The following ERP44 variants were observed in gnomAD, a reference collection of about 807,000 sequenced individuals.
ERP44 encodes endoplasmic reticulum resident protein 44.
In ERP44, 25 loss-of-function variants were observed where a neutral mutation model predicts 53.4. The ratio of observed to expected loss-of-function variants is 0.47; its 90% CI spans 0.34 to 0.65. ERP44 has a LOEUF of 0.65. ERP44 is among the 30% of genes least tolerant of loss of function. ERP44 has a pLI of 0.01. For synonymous variants in ERP44, 145 were observed against 161.2 expected (o/e 0.90, Z 0.76); for missense variants, 338 against 493.2 (o/e 0.69, Z 2.98).
intron 10 of ERP44, among the ~76,000 whole-genome samples, chr9:100,000,309 A>G (rs964321315): frequency 1.3e-4 from 19 of 151,976 alleles, no homozygotes; most frequent in African/African-American, 4.4e-4. Context: ...ATGGTGGCAC[A>G]TGCCTGTAGT....
At chr9:100,044,038 TAAG>T (rs1200340984) in intron 4 of ERP44, among the ~76,000 whole-genome samples, 1 of 152,224 alleles carries the variant, frequency 6.6e-6, no homozygotes, top group African/African-American at 2.4e-5. Flanking sequence ...ATATAACTGA[TAAG>T]AAAGCTTTGT....
chr9:99,986,907 A>G (rs1305479731), intron 10 of ERP44, among the ~76,000 whole-genome samples: 1 of 152,244 alleles, frequency 6.6e-6, no homozygotes, highest in African/African-American at 2.4e-5. Flanking sequence ...AAGTGCTAAA[A>G]TATATCCATT....
At chr9:100,008,616 A>C (rs1016690890) in intron 8 of ERP44, among the ~76,000 whole-genome samples, 1 of 152,182 alleles carries the variant, frequency 6.6e-6, no homozygotes, top group Non-Finnish European at 1.5e-5. Flanking sequence ...TAAAAAACAA[A>C]CTGGGACCTA....
chr9:99,986,618 C>T (rs573434440), intron 10 of ERP44, among the ~76,000 whole-genome samples: 4 of 152,166 alleles, frequency 2.6e-5, no homozygotes, highest in East Asian at 3.9e-4. Context: ...CTTGAGGTCC[C>T]GGAAGTGCTG....
At chr9:100,098,471 C>T (rs908069615) in intron 1 of ERP44, among the ~76,000 whole-genome samples, 5 of 152,236 alleles carry the variant, frequency 3.3e-5, no homozygotes, top group African/African-American at 1.2e-4. Context: ...CCGATTCAAG[C>T]TACCACCAGG....
chr9:100,092,829 C>T (rs1299467273), intron 1 of ERP44, among the ~76,000 whole-genome samples: 1 of 152,092 alleles, frequency 6.6e-6, no homozygotes, highest in African/African-American at 2.4e-5. Context: ...TAAATTGGCA[C>T]AGATTACAAA....
intron 4 of ERP44, among the ~76,000 whole-genome samples, chr9:100,032,253 C>G (rs1825800267): frequency 6.6e-6 from 1 of 152,086 alleles, no homozygotes. Flanking sequence ...AGGGCTCCAC[C>G]CTGAAGCCAG....
At chr9:100,093,344 G>A (rs1261705628) in intron 1 of ERP44, among the ~76,000 whole-genome samples, 1 of 152,140 alleles carries the variant, frequency 6.6e-6, no homozygotes, top group Non-Finnish European at 1.5e-5. Context: ...GGATATAAAG[G>A]GTTAAGAACT....
intron 3 of ERP44, among the ~76,000 whole-genome samples, chr9:100,052,949 A>C (rs943019128): frequency 6.6e-6 from 1 of 152,050 alleles, no homozygotes; most frequent in African/African-American, 2.4e-5. Flanking sequence ...ACAGGGTCTC[A>C]TTCTGTTGCC....
intron 10 of ERP44, among the ~76,000 whole-genome samples, chr9:100,000,289 T>A (rs922164695): frequency 5.3e-5 from 8 of 151,428 alleles, no homozygotes; most frequent in African/African-American, 1.5e-4. Context: ...AAAAAAAAAA[T>A]TAGGTGGGCA....
At chr9:99,999,306 TG>T (rs1259991583) in intron 10 of ERP44, among the ~76,000 whole-genome samples, 5 of 152,078 alleles carry the variant, frequency 3.3e-5, no homozygotes, top group Admixed American at 1.3e-4. Context: ...TGAGATTATT[TG>T]TTTTTTTCTT....
At position 100,098,961 on chromosome 9, in the gene ERP44, G is replaced by C; in HGVS notation, c.-121C>G. 1 of 754,154 alleles carries C rather than the reference G, an allele frequency of 1.3e-6. No homozygotes were observed. The highest frequency in any genetic ancestry group is 1.6e-5 in the South Asian group (1 of 62,494). 46.7% of individuals were successfully genotyped at this position (754,154 alleles called of 1,614,324 possible). ...GGCAGCGGAGGATTCTCCAGGCAGC[G>C]GCACCTCGTCCTCTCGACCCGGGCT... is the stretch of plus-strand genomic sequence containing the variant. On this transcript the variant is annotated 5_prime_UTR_variant, in exon 1 of 12. Coordinates refer to ENST00000262455, the MANE Select transcript of ERP44 (RefSeq NM_015051.3).
intron 4 of ERP44, among the ~76,000 whole-genome samples, chr9:100,034,919 C>G (rs1825832674): frequency 6.6e-6 from 1 of 152,030 alleles, no homozygotes; most frequent in Non-Finnish European, 1.5e-5. Flanking sequence ...GAAATAAAGC[C>G]ACACACTTAC....
chr9:100,039,714 C>T (rs1825882508), intron 4 of ERP44, among the ~76,000 whole-genome samples: 1 of 151,634 alleles, frequency 6.6e-6, no homozygotes, highest in Non-Finnish European at 1.5e-5. Context: ...AAAGACAATA[C>T]AAAAGCACAG....
intron 4 of ERP44, among the ~76,000 whole-genome samples, chr9:100,031,443 C>T (rs1587968824): frequency 6.6e-6 from 1 of 152,202 alleles, no homozygotes; most frequent in East Asian, 1.9e-4. Context: ...GTAGCTAAGG[C>T]TTTGTCTTTT....
intron 4 of ERP44, among the ~76,000 whole-genome samples, chr9:100,047,882 T>C (rs1825991980): frequency 6.6e-6 from 1 of 152,074 alleles, no homozygotes; most frequent in African/African-American, 2.4e-5. Flanking sequence ...CAACTCAACA[T>C]CAACAACAAA....
chr9:100,091,302 G>A (rs1051095000), intron 1 of ERP44, among the ~76,000 whole-genome samples: 19 of 152,182 alleles, frequency 1.2e-4, no homozygotes, highest in African/African-American at 4.3e-4. Flanking sequence ...GTCTTTGCAA[G>A]GACAGAACCA....
At chr9:100,055,432 G>A (rs1162716110) in intron 3 of ERP44, among the ~76,000 whole-genome samples, 2 of 152,174 alleles carry the variant, frequency 1.3e-5, no homozygotes, top group Admixed American at 6.5e-5. Context: ...GAGTGCAACC[G>A]TGTGATCTCA....
rs982190448 is a variant in ERP44, at chr9:100,087,942, T to C, written c.57+10842A>G. 2.0e-5 allele frequency among the ~76,000 whole-genome samples: 3 copies of C among 152,196 alleles called. No homozygotes were observed. The South Asian group carries it at 6.2e-4, about 32-fold the overall frequency. ...GCTTTTCTGTACCATGAAAGTGTTA[T>C]CACTTTCGGGAATCAAAAAACACGT... On this transcript the variant is annotated intron_variant, in intron 1 of 11. Coordinates refer to ENST00000262455, the MANE Select transcript of ERP44 (RefSeq NM_015051.3).
Sources: gnomAD v4.1 joint callset for allele counts (sites outside exome capture counted in the v4.1 genomes callset) on GRCh38, gnomAD v4.1.1 for gene constraint, MANE v1.5 for transcripts, NCBI Gene and HGNC (gene_info 2026-07-23, HGNC 2026-07-21) for gene names.